The following IL1RAPL2 variants were observed in gnomAD, a reference collection of about 807,000 sequenced individuals.
IL1RAPL2 encodes the protein X-linked interleukin-1 receptor accessory protein-like 2.
A neutral mutation model predicts 44.1 loss-of-function variants in IL1RAPL2; 3 were observed. That is an observed-to-expected ratio of 0.07 (90% CI 0.03 to 0.18). The LOEUF (loss-of-function observed/expected upper bound fraction) is 0.18. IL1RAPL2 is among the 10% of genes least tolerant of loss of function. The pLI is 1.00. For synonymous variants in IL1RAPL2, 181 were observed against 178.8 expected, an observed-to-expected ratio of 1.01 and a Z score of -0.10; for missense variants, 391 against 496.4, an observed-to-expected ratio of 0.79 and a Z score of 2.02.
At chrX:105,738,940 TG>T (rs1352868293) in intron 7 of IL1RAPL2, among the ~76,000 whole-genome samples, 1 of 110,126 alleles carries the variant, frequency 9.1e-6, no homozygotes, top group Non-Finnish European at 1.9e-5. Flanking sequence ...ATCAGGGTCA[TG>T]GGGGTGTTAG....
intron 6 of IL1RAPL2, among the ~76,000 whole-genome samples, chrX:105,550,684 T>C (rs962365417): frequency 1.8e-5 from 2 of 111,439 alleles, no homozygotes; most frequent in South Asian, 3.8e-4. Flanking sequence ...TGGAATGTAA[T>C]TTCAATGAGC....
At chrX:104,942,070 G>A (rs762672215) in intron 2 of IL1RAPL2, among the ~76,000 whole-genome samples, 1 of 111,597 alleles carries the variant, frequency 9.0e-6, no homozygotes, top group South Asian at 3.7e-4. Context: ...TCTTTGTTTT[G>A]GTACCAGTAC....
chrX:105,043,584 A>T (rs988352870), intron 2 of IL1RAPL2, among the ~76,000 whole-genome samples: 3 of 107,872 alleles, frequency 2.8e-5, no homozygotes, highest in African/African-American at 1.0e-4. Context: ...AAAAAAAAAC[A>T]TGTTTTGCTT....
At chrX:105,512,700 C>T (rs2036479078) in intron 6 of IL1RAPL2, among the ~76,000 whole-genome samples, 1 of 111,330 alleles carries the variant, frequency 9.0e-6, no homozygotes, top group Non-Finnish European at 1.9e-5. Flanking sequence ...CAAATAATTA[C>T]GAGAGAAATA....
chrX:104,936,621 CTT>C (rs1186693127), intron 2 of IL1RAPL2, among the ~76,000 whole-genome samples: 7 of 88,517 alleles, frequency 7.9e-5, no homozygotes, highest in Admixed American at 1.2e-4. Flanking sequence ...TTACCAGACT[CTT>C]TTTTTTTTTT....
intron 6 of IL1RAPL2, among the ~76,000 whole-genome samples, chrX:105,609,244 T>C (rs5962556): frequency 0.35 from 39,060 of 110,646 alleles, 5,128 homozygotes; most frequent in Middle Eastern, 0.42. Context: ...AGCAAGGAGA[T>C]AAATATTGGT....
At chrX:104,589,441 C>A (rs1928622722) in intron 1 of IL1RAPL2, among the ~76,000 whole-genome samples, 1 of 111,974 alleles carries the variant, frequency 8.9e-6, no homozygotes, top group Non-Finnish European at 1.9e-5. Context: ...TGGTGCCCAC[C>A]CAGATTAAGG....
At chrX:105,257,953 G>C (rs1475122168) in intron 4 of IL1RAPL2, among the ~76,000 whole-genome samples, 1 of 111,587 alleles carries the variant, frequency 9.0e-6, no homozygotes, top group Non-Finnish European at 1.9e-5. Flanking sequence ...TAATACGTTT[G>C]GATTTGATCC....
At chrX:105,274,208 T>G (rs915035313) in intron 5 of IL1RAPL2, among the ~76,000 whole-genome samples, 1 of 112,210 alleles carries the variant, frequency 8.9e-6, no homozygotes, top group Non-Finnish European at 1.9e-5. Flanking sequence ...CTTGGCATTT[T>G]GAACTTAGTC....
At chrX:105,011,267 A>G (rs1386592924) in intron 2 of IL1RAPL2, among the ~76,000 whole-genome samples, 3 of 111,317 alleles carry the variant, frequency 2.7e-5, no homozygotes, top group Non-Finnish European at 5.7e-5. Context: ...TTAATTCTCA[A>G]TATTTATTAT....
At chrX:105,630,780 G>C (rs2037486744) in intron 6 of IL1RAPL2, among the ~76,000 whole-genome samples, 2 of 110,878 alleles carry the variant, frequency 1.8e-5, no homozygotes, top group African/African-American at 3.3e-5. Context: ...AAAAAGAACA[G>C]AGATATCAAG....
At chrX:104,678,507 C>T (rs1417159729) in intron 2 of IL1RAPL2, among the ~76,000 whole-genome samples, 2 of 111,793 alleles carry the variant, frequency 1.8e-5, no homozygotes, top group Non-Finnish European at 3.8e-5. Flanking sequence ...GCATCTCATC[C>T]TTCCTTTTTA....
rs1341104701 is a variant in IL1RAPL2 at position 104,685,187 on chromosome X, C to A, written c.82+26192C>A. On this transcript the variant is annotated intron_variant, in intron 2 of 10. Coordinates refer to ENST00000372582, the MANE Select transcript of IL1RAPL2 (RefSeq NM_017416.2). ...GGTAAAAGATTATTACCTTTTGATT[C>A]TCTTAACTGACAGAAACAGTAACCT... Among the ~76,000 whole-genome samples, 3 of 111,970 alleles carry A rather than the reference C, an allele frequency of 2.7e-5. No homozygotes were observed. In the Admixed American group the frequency reaches 2.8e-4, roughly 11 times the overall value.
At chrX:104,882,272 TA>T (rs747371968) in intron 2 of IL1RAPL2, among the ~76,000 whole-genome samples, 1 of 112,278 alleles carries the variant, frequency 8.9e-6, no homozygotes, top group Non-Finnish European at 1.9e-5. Flanking sequence ...GGAAGGGGCA[TA>T]AGTTGGTGTG....
intron 5 of IL1RAPL2, among the ~76,000 whole-genome samples, chrX:105,317,408 C>T (rs2034852012): frequency 8.9e-6 from 1 of 112,053 alleles, no homozygotes; most frequent in Non-Finnish European, 1.9e-5. Context: ...CCCTCAGAAG[C>T]TTCTTGTATT....
intron 2 of IL1RAPL2, among the ~76,000 whole-genome samples, chrX:104,828,483 C>T (rs1417611716): frequency 9.2e-6 from 1 of 109,287 alleles, no homozygotes; most frequent in Non-Finnish European, 1.9e-5. Flanking sequence ...AGGTTGCTGC[C>T]TCCTCCTTCC....
At chrX:104,987,353 G>A (rs929931975) in intron 2 of IL1RAPL2, among the ~76,000 whole-genome samples, 3 of 107,661 alleles carry the variant, frequency 2.8e-5, no homozygotes, top group Non-Finnish European at 5.7e-5. Context: ...GGTAATGTCA[G>A]TAACTTATTT....
chrX:105,392,993 A>G (rs2035537858), intron 5 of IL1RAPL2, among the ~76,000 whole-genome samples: 1 of 112,695 alleles, frequency 8.9e-6, no homozygotes, highest in Non-Finnish European at 1.9e-5. Flanking sequence ...TACTAGCGTA[A>G]TCAACCAATG....
chrX:104,691,288 G>A (rs960831161), intron 2 of IL1RAPL2, among the ~76,000 whole-genome samples: 2 of 111,792 alleles, frequency 1.8e-5, no homozygotes, highest in African/African-American at 6.5e-5. Flanking sequence ...GTCTCTGTTA[G>A]TTTTTCTTCT....
Sources: allele counts gnomAD v4.1 joint callset (sites outside exome capture counted in the v4.1 genomes callset), GRCh38; gene constraint gnomAD v4.1.1; transcripts MANE v1.5; gene names NCBI Gene and HGNC (gene_info 2026-07-23, HGNC 2026-07-21).